The following C3orf49 variants were observed in gnomAD, a reference collection of about 807,000 sequenced individuals.
The protein encoded by C3orf49 is chromosome 3 open reading frame 49, also known as putative uncharacterized protein C3orf49.
Under a neutral mutation model 13.3 loss-of-function variants are expected in C3orf49, and 27 were observed. That is an observed-to-expected ratio of 2.02 (90% CI 1.49 to 2.79). C3orf49 has a LOEUF of 2.79. Among genes scored for constraint, C3orf49 ranks in the 30% most tolerant of loss-of-function variants. C3orf49 has a pLI of 0.00. For missense variants in C3orf49, 242 were observed against 134.2 expected, an observed-to-expected ratio of 1.80 and a Z score of -3.97; for synonymous variants, 87 against 47.6, an observed-to-expected ratio of 1.83 and a Z score of -3.40.
At chr3:63,822,298 G>T (rs979931008) in intron 1 of C3orf49, among the ~76,000 whole-genome samples, 3 of 152,078 alleles carry the variant, frequency 2.0e-5, no homozygotes, top group Non-Finnish European at 4.4e-5. Context: ...TCTTACAATT[G>T]CATGTGAAAC....
the C3orf49 span, among the ~76,000 whole-genome samples, chr3:63,802,703 C>T: frequency 3.3e-5 from 5 of 152,280 alleles, no homozygotes; most frequent in East Asian, 7.7e-4. Flanking sequence ...ACTTTCCATA[C>T]ATTATCTTTT....
At chr3:63,792,651 A>G in the C3orf49 span, among the ~76,000 whole-genome samples, 1 of 152,244 alleles carries the variant, frequency 6.6e-6, no homozygotes, top group Admixed American at 6.5e-5. Flanking sequence ...TAAGAAAAAC[A>G]AGGCCCACTG....
the C3orf49 span, among the ~76,000 whole-genome samples, chr3:63,804,533 C>T: frequency 6.6e-6 from 1 of 152,132 alleles, no homozygotes; most frequent in Non-Finnish European, 1.5e-5. Context: ...TTCTCTTCTT[C>T]TTTATCTATT....
intron 5 of C3orf49, chr3:63,833,910 C>T: frequency 2.2e-6 from 1 of 451,468 alleles, no homozygotes; most frequent in Non-Finnish European, 3.9e-6. Context: ...TTGGATGTTG[C>T]TTCCTACCAC....
chr3:63,845,696 G>A (rs1326345240), intron 6 of C3orf49, among the ~76,000 whole-genome samples: 1 of 152,176 alleles, frequency 6.6e-6, no homozygotes, highest in African/African-American at 2.4e-5. Context: ...CATTAGCTAA[G>A]TTGGTCAAGG....
chr3:63,783,014 C>T, the C3orf49 span: 1 of 151,970 alleles, frequency 6.6e-6, no homozygotes, highest in African/African-American at 2.4e-5. Context: ...TAAGAGTGCT[C>T]GAAATGATGA....
chr3:63,806,241 C>T, the C3orf49 span, among the ~76,000 whole-genome samples: 315 of 152,306 alleles, frequency 2.1e-3, 1 homozygote, highest in Admixed American at 3.7e-3. Flanking sequence ...CCAATGAAAT[C>T]GAGCTCTGGT....
chr3:63,805,323 G>A, the C3orf49 span, among the ~76,000 whole-genome samples: 8 of 152,224 alleles, frequency 5.3e-5, no homozygotes. Context: ...CAAAGGAAAA[G>A]TGCAATAAAT....
chr3:63,835,138 G>A (rs1434991236), intron 5 of C3orf49: 1 of 1,611,922 alleles, frequency 6.2e-7, no homozygotes, highest in Non-Finnish European at 8.5e-7. Flanking sequence ...TTTACTTTGA[G>A]ACTATTTCTA....
chr3:63,802,911 C>T, the C3orf49 span, among the ~76,000 whole-genome samples: 1 of 152,080 alleles, frequency 6.6e-6, no homozygotes, highest in Non-Finnish European at 1.5e-5. Context: ...CACACACACA[C>T]AGACACACAC....
At chr3:63,829,992 T>C (rs1473750970) in intron 3 of C3orf49, among the ~76,000 whole-genome samples, 2 of 152,132 alleles carry the variant, frequency 1.3e-5, no homozygotes, top group African/African-American at 4.8e-5. Context: ...TTTGAATTAA[T>C]TGTCTACGTT....
chr3:63,807,411 A>G, the C3orf49 span, among the ~76,000 whole-genome samples: 5 of 152,192 alleles, frequency 3.3e-5, no homozygotes, highest in East Asian at 7.7e-4. Context: ...TGAGACACAG[A>G]AACACCAAGT....
At chr3:63,839,605 C>T (rs781613067) in intron 5 of C3orf49, 3 of 1,524,154 alleles carry the variant, frequency 2.0e-6, no homozygotes, top group Non-Finnish European at 2.7e-6. Context: ...AATATAGGGC[C>T]TAAAATCACA....
chr3:63,838,526 TAAAG>T, intron 5 of C3orf49: 1 of 1,575,538 alleles, frequency 6.3e-7, no homozygotes. Context: ...AAAACCAAAA[TAAAG>T]ATATTTGTGG....
chr3:63,791,693 A>G, the C3orf49 span, among the ~76,000 whole-genome samples: 1 of 152,384 alleles, frequency 6.6e-6, no homozygotes, highest in Non-Finnish European at 1.5e-5. Context: ...AAAGAACCAC[A>G]GTAATATTCA....
At chr3:63,821,255 A>G (rs758898456) in intron 1 of C3orf49, among the ~76,000 whole-genome samples, 1 of 152,162 alleles carries the variant, frequency 6.6e-6, no homozygotes, top group Non-Finnish European at 1.5e-5. Context: ...ATAATTACAG[A>G]AAAAGGCTGA....
At chr3:63,814,083 T>C in the C3orf49 span, among the ~76,000 whole-genome samples, 1 of 152,170 alleles carries the variant, frequency 6.6e-6, no homozygotes, top group Non-Finnish European at 1.5e-5. Context: ...AGCAAGAAGA[T>C]GCAAAAACAG....
chr3:63,838,496 A>G, intron 5 of C3orf49: 1 of 1,584,554 alleles, frequency 6.3e-7, no homozygotes, highest in East Asian at 2.3e-5. Flanking sequence ...GGTACTGGCT[A>G]TATCTAATGA....
intron 5 of C3orf49, among the ~76,000 whole-genome samples, chr3:63,835,757 C>T: frequency 6.6e-6 from 1 of 152,150 alleles, no homozygotes; most frequent in African/African-American, 2.4e-5. Flanking sequence ...AATCTTACGC[C>T]TAGTCCTCTA....
Sources: gnomAD v4.1 joint callset for allele counts (sites outside exome capture counted in the v4.1 genomes callset) on GRCh38, gnomAD v4.1.1 for gene constraint, MANE v1.5 for transcripts, NCBI Gene and HGNC (gene_info 2026-07-23, HGNC 2026-07-21) for gene names.